Variants in ZPBP observed in about 807,000 individuals in gnomAD.
The protein encoded by ZPBP is zona pellucida binding protein.
ZPBP carries 26 observed loss-of-function variants against 44.8 expected under a neutral mutation model. The observed-to-expected ratio is 0.58, with a 90% CI of 0.43 to 0.81. The LOEUF (loss-of-function observed/expected upper bound fraction) is 0.81, where lower values mean the gene tolerates loss of function less well. Ranked by LOEUF, ZPBP falls within the 30% of genes least tolerant of loss-of-function variation. The pLI, the probability that ZPBP is intolerant of heterozygous loss-of-function variation, is 0.00. For missense variants in ZPBP, 409 were observed against 434.0 expected, an observed-to-expected ratio of 0.94 and a Z score of 0.51; for synonymous variants, 174 against 153.2, an observed-to-expected ratio of 1.14 and a Z score of -1.00.
chr7:49,886,945 T>C (rs1430359680), intron 2 of ZPBP, among the ~76,000 whole-genome samples: 2 of 152,178 alleles, frequency 1.3e-5, no homozygotes, highest in Non-Finnish European at 1.5e-5. Flanking sequence ...TTTTTTTTTC[T>C]TTTTCTTTTG....
At chr7:50,081,143 G>A (rs1245616063) in intron 3 of ZPBP, among the ~76,000 whole-genome samples, 2 of 151,386 alleles carry the variant, frequency 1.3e-5, no homozygotes, top group Non-Finnish European at 3.0e-5. Context: ...CTTCATCCAA[G>A]AAAATAAAAT....
chr7:49,925,068 C>A (rs1477661697), intron 1 of ZPBP, among the ~76,000 whole-genome samples: 2 of 152,222 alleles, frequency 1.3e-5, no homozygotes, highest in African/African-American at 4.8e-5. Flanking sequence ...ACTCTCCAGG[C>A]ATGAAAGCAG....
intron 7 of ZPBP, among the ~76,000 whole-genome samples, chr7:49,980,508 G>A (rs999582238): frequency 1.3e-5 from 2 of 151,512 alleles, no homozygotes; most frequent in Admixed American, 6.6e-5. Context: ...GATTCTGATG[G>A]CTGAAAAGTT....
rs75261926 is a variant in ZPBP, at chr7:50,015,048, T to G, written c.783+3192A>C. Among the ~76,000 whole-genome samples, 399 of 152,262 alleles carry G rather than the reference T, an allele frequency of 2.6e-3. 1 individual carries two copies. The highest frequency in any genetic ancestry group is 4.7e-3 in the Non-Finnish European group (322 of 68,012). On this transcript the variant is annotated intron_variant, in intron 6 of 7. Transcript: ENST00000046087. ...TGTGAAAATACCATTGCCTGCAAAT[T>G]CTGAATTCTTTTTACATATGCCAAT...
chr7:49,962,127 G>T (rs1251376389), intron 7 of ZPBP, among the ~76,000 whole-genome samples: 2 of 151,662 alleles, frequency 1.3e-5, no homozygotes, highest in Non-Finnish European at 3.0e-5. Context: ...GGCAAGAAGA[G>T]GAAAGAACTG....
At chr7:50,074,147 A>G (rs975430647) in intron 3 of ZPBP, among the ~76,000 whole-genome samples, 3 of 152,108 alleles carry the variant, frequency 2.0e-5, no homozygotes, top group Admixed American at 2.0e-4. Flanking sequence ...GGATTAAATT[A>G]AGGCATAGAG....
intron 6 of ZPBP, among the ~76,000 whole-genome samples, chr7:50,009,813 C>T (rs1798488392): frequency 6.6e-6 from 1 of 151,998 alleles, no homozygotes; most frequent in Non-Finnish European, 1.5e-5. Context: ...TATATCAACA[C>T]ATAAAAATAA....
rs187248121 is a variant in ZPBP, at chr7:49,886,894, T to C, written n.509+14224A>G. On this transcript the variant is annotated intron_variant and non_coding_transcript_variant, in intron 2 of 2. Transcript: ENST00000465922. ...TTCAATTGTTGGACCTCGTAAGACT[T>C]CTTCTACCCTAATTTCTACTTTATG... Among the ~76,000 whole-genome samples, 6 of 152,314 alleles carry C rather than the reference T, an allele frequency of 3.9e-5. No homozygotes were observed. The East Asian group carries it at 1.2e-3, about 29-fold the overall frequency.
chr7:49,900,652 T>A (rs1792673199), intron 2 of ZPBP, among the ~76,000 whole-genome samples: 2 of 151,730 alleles, frequency 1.3e-5, no homozygotes, highest in East Asian at 3.9e-4. Context: ...AAAAGAGATA[T>A]AATCAATAAT....
chr7:49,930,409 T>C (rs1341898947), intron 1 of ZPBP, among the ~76,000 whole-genome samples: 1 of 152,220 alleles, frequency 6.6e-6, no homozygotes, highest in African/African-American at 2.4e-5. Flanking sequence ...TATAAAAATC[T>C]ATGTGATGGG....
chr7:49,872,915 CAAAA>C (rs61473396), intron 2 of ZPBP, among the ~76,000 whole-genome samples: 6 of 33,960 alleles, frequency 1.8e-4, no homozygotes, highest in East Asian at 1.1e-3. Flanking sequence ...GACTTTGTCT[CAAAA>C]AAAAAAAAAA....
chr7:49,893,000 G>A (rs990793954), intron 2 of ZPBP, among the ~76,000 whole-genome samples: 1 of 152,098 alleles, frequency 6.6e-6, no homozygotes, highest in African/African-American at 2.4e-5. Context: ...ATTTGACAGC[G>A]GGGACACTTT....
intron 2 of ZPBP, among the ~76,000 whole-genome samples, chr7:49,877,481 A>AAAAAAAAAATATAT: frequency 7.9e-5 from 1 of 12,722 alleles, no homozygotes; most frequent in African/African-American, 2.8e-4. Flanking sequence ...AAAAAAAAAA[A>AAAAAAAAAATATAT]ATATATATAT....
intron 1 of ZPBP, among the ~76,000 whole-genome samples, chr7:50,092,298 T>C (rs1418044654): frequency 6.6e-6 from 1 of 152,238 alleles, no homozygotes; most frequent in Non-Finnish European, 1.5e-5. Context: ...TGGACTTTGA[T>C]TTTTAAATCT....
intron 2 of ZPBP, among the ~76,000 whole-genome samples, chr7:49,889,093 G>A (rs995950621): frequency 1.3e-5 from 2 of 152,192 alleles, no homozygotes; most frequent in African/African-American, 2.4e-5. Context: ...CAGATATACA[G>A]GGAATGCTCA....
chr7:49,946,983 C>T (rs770628628), intron 7 of ZPBP, among the ~76,000 whole-genome samples: 28 of 152,126 alleles, frequency 1.8e-4, no homozygotes, highest in Non-Finnish European at 3.7e-4. Context: ...TTAAGAGTCT[C>T]TGATGCATTC....
chr7:49,947,275 C>A (rs999321371), intron 7 of ZPBP, among the ~76,000 whole-genome samples: 2 of 152,086 alleles, frequency 1.3e-5, no homozygotes, highest in Admixed American at 6.6e-5. Flanking sequence ...GATGTCTTGG[C>A]ATTGAAGAGT....
At chr7:50,065,524 C>T (rs1295541166) in intron 3 of ZPBP, among the ~76,000 whole-genome samples, 2 of 150,954 alleles carry the variant, frequency 1.3e-5, no homozygotes, top group African/African-American at 4.9e-5. Flanking sequence ...CGATACAGTA[C>T]TTTTCAATTA....
chr7:50,031,845 T>C (rs975289737), intron 4 of ZPBP, among the ~76,000 whole-genome samples: 10 of 150,290 alleles, frequency 6.7e-5, no homozygotes, highest in African/African-American at 9.7e-5. Context: ...CACACACACA[T>C]ATATATATAT....
Sources: allele counts gnomAD v4.1 joint callset (sites outside exome capture counted in the v4.1 genomes callset), GRCh38; gene constraint gnomAD v4.1.1; transcripts MANE v1.5; gene names NCBI Gene and HGNC (gene_info 2026-07-23, HGNC 2026-07-21).